The following WDHD1 variants were observed in gnomAD, a reference collection of about 807,000 sequenced individuals.
WDHD1 encodes WD repeat and HMG-box DNA-binding protein 1.
In WDHD1, 111 loss-of-function variants were observed where a neutral mutation model predicts 135.4. The ratio of observed to expected loss-of-function variants is 0.82; its 90% CI spans 0.70 to 0.96. The LOEUF is 0.96. WDHD1 is among the 40% of genes least tolerant of loss of function. The pLI, the probability that WDHD1 is intolerant of heterozygous loss-of-function variation, is 0.00. For synonymous variants in WDHD1, 434 were observed against 439.0 expected (o/e 0.99, Z 0.14); for missense variants, 1,351 against 1,336.3 (o/e 1.01, Z -0.17).
intron 15 of WDHD1, among the ~76,000 whole-genome samples, chr14:54,983,549 T>C (rs2041651630): frequency 6.6e-6 from 1 of 152,054 alleles, no homozygotes; most frequent in Admixed American, 6.5e-5. Context: ...GACGCAAGCC[T>C]GTAATCCCAG....
chr14:54,982,844 A>G (rs2041640230), intron 15 of WDHD1, among the ~76,000 whole-genome samples: 1 of 152,340 alleles, frequency 6.6e-6, no homozygotes, highest in East Asian at 1.9e-4. Flanking sequence ...AGTCCCCATG[A>G]GACAGAGATG....
intron 18 of WDHD1, among the ~76,000 whole-genome samples, chr14:54,964,375 T>C (rs1356968929): frequency 6.6e-6 from 1 of 152,152 alleles, no homozygotes; most frequent in Non-Finnish European, 1.5e-5. Context: ...GCGCAGTGGC[T>C]CACACCTGTA....
At chr14:54,972,174 C>A (rs2041445464) in intron 16 of WDHD1, among the ~76,000 whole-genome samples, 1 of 150,886 alleles carries the variant, frequency 6.6e-6, no homozygotes, top group South Asian at 2.1e-4. Context: ...ACTCAGGAGG[C>A]TGAGGCAGGA....
chr14:54,965,477 T>C (rs1654392518), intron 18 of WDHD1, among the ~76,000 whole-genome samples: 1 of 152,290 alleles, frequency 6.6e-6, no homozygotes, highest in East Asian at 1.9e-4. Context: ...TTCTTAAGAT[T>C]GCCCAGCCCT....
At chr14:55,022,557 C>T (rs757569739) in intron 2 of WDHD1, among the ~76,000 whole-genome samples, 3 of 152,002 alleles carry the variant, frequency 2.0e-5, no homozygotes, top group Admixed American at 1.3e-4. Context: ...TGGTGTATGC[C>T]TGTAATCCCA....
rs2042410846 is a variant in WDHD1 at position 55,025,026 on chromosome 14, A to G, written c.77+1685T>C. ...CTTGCAGTTGAGACAAGAGGAAGGC[A>G]TCTGTCTCCTGCCTGTCCCTGGGCA... is the stretch of plus-strand genomic sequence containing the variant. On this transcript the variant is annotated intron_variant, in intron 2 of 25. Transcript: ENST00000360586. 2.2e-5 allele frequency among the ~76,000 whole-genome samples: 2 copies of G among 90,398 alleles called. 1 individual carries two copies. The allele number at this position is 90,398 out of a possible 152,430, so 59.3% of individuals were successfully genotyped here.
At position 54,962,857 on chromosome 14, in the gene WDHD1, A is replaced by C; in HGVS notation, c.2532-4T>G. On this transcript the variant is annotated splice_region_variant and splice_polypyrimidine_tract_variant and intron_variant, in intron 19 of 25. Transcript: ENST00000360586. ...CTCTGTAGCAGTATTGCTGTAACTA[A>C]GAGAAAATAATATTATTCAATAAAG... 1.2e-6 allele frequency: 2 copies of C among 1,611,708 alleles called. No individual in the cohort carries two copies. Among genetic ancestry groups the C allele is most frequent in the Non-Finnish European group, 1.7e-6 (2 of 1,179,860 alleles).
At chr14:54,946,274 A>T (rs2040923377) in intron 24 of WDHD1, among the ~76,000 whole-genome samples, 1 of 152,144 alleles carries the variant, frequency 6.6e-6, no homozygotes, top group Non-Finnish European at 1.5e-5. Flanking sequence ...CTGGCCTCAA[A>T]CTTCTGGGCT....
chr14:54,966,438 T>A (rs2041346060), intron 18 of WDHD1, 37 bp downstream of exon 18: 1 of 1,574,850 alleles, frequency 6.3e-7, no homozygotes, highest in African/African-American at 1.4e-5. Flanking sequence ...AGAAAAGCAT[T>A]TAACTTTAAC....
intron 16 of WDHD1, among the ~76,000 whole-genome samples, chr14:54,977,474 G>A (rs1043541974): frequency 3.3e-5 from 5 of 152,140 alleles, no homozygotes; most frequent in Non-Finnish European, 5.9e-5. Context: ...GCCAAGGTGG[G>A]AGGATCACTC....
intron 2 of WDHD1, among the ~76,000 whole-genome samples, chr14:55,022,436 T>C (rs952285879): frequency 6.6e-6 from 1 of 152,110 alleles, no homozygotes; most frequent in Non-Finnish European, 1.5e-5. Context: ...TGTGGCATTT[T>C]TCCCCCCACA....
intron 2 of WDHD1, among the ~76,000 whole-genome samples, chr14:55,025,486 G>A (rs181936699): frequency 2.6e-3 from 394 of 152,204 alleles, no homozygotes; most frequent in African/African-American, 8.7e-3. Flanking sequence ...AAGTGTGGAG[G>A]GGCAACCCGC....
chr14:55,015,699 A>ATTT (rs35102727), intron 2 of WDHD1, among the ~76,000 whole-genome samples: 4 of 143,254 alleles, frequency 2.8e-5, no homozygotes, highest in Non-Finnish European at 4.6e-5. Flanking sequence ...TTCCAATGGA[A>ATTT]TTTTTTTTTT....
At chr14:54,988,490 T>C (rs1360431379) in intron 13 of WDHD1, among the ~76,000 whole-genome samples, 1 of 152,206 alleles carries the variant, frequency 6.6e-6, no homozygotes, top group Non-Finnish European at 1.5e-5. Context: ...AGGGGTTATC[T>C]GTGTATATAC....
At chr14:55,009,212 C>T (rs1425036163) in intron 4 of WDHD1, among the ~76,000 whole-genome samples, 1 of 152,184 alleles carries the variant, frequency 6.6e-6, no homozygotes, top group Non-Finnish European at 1.5e-5. Flanking sequence ...CAAGATTTCC[C>T]ATTATGCTAA....
At position 54,984,805 on chromosome 14, in the gene WDHD1, T is replaced by C; in HGVS notation, c.1824A>G (p.Lys608=). The C allele has an allele frequency of 6.2e-7, 1 of 1,614,044 alleles. No individual in the cohort carries two copies. Among genetic ancestry groups the C allele is most frequent in the East Asian group, 2.2e-5 (1 of 44,860 alleles). Residue 608 remains lysine (K), a synonymous_variant, in exon 15 of 26, where the codon AAA becomes AAG. Coordinates refer to ENST00000360586, the MANE Select transcript of WDHD1 (RefSeq NM_007086.4). ...CLGVQLLELG[K]KKKQILHGDP... is the part of the protein sequence containing the mutation. ...CACCATGCAAAATTTGTTTTTTCTT[T>C]TTCCCCAGCTCTAGCAGTTGAACTC...
chr14:54,996,731 T>TAA (rs34843510), intron 10 of WDHD1, among the ~76,000 whole-genome samples: 64,156 of 152,002 alleles, frequency 0.42, 15,210 homozygotes, highest in African/African-American at 0.65. Context: ...TAGTTTGGTA[T>TAA]AAGTCTAATG....
In WDHD1 at chr14:54,987,389, TA is replaced by T; in HGVS notation, c.1527-3del. 6.2e-7 allele frequency: 1 copy of T among 1,604,494 alleles called. No individual in the cohort carries two copies. Among genetic ancestry groups the T allele is most frequent in the Non-Finnish European group, 8.5e-7 (1 of 1,175,650 alleles). ...CTAAAGTGCAGGCAGTGAAGCTTGC[TA>T]AAAATTAAAACAAGACAGAAACAAT... On this transcript the variant is annotated splice_region_variant and splice_polypyrimidine_tract_variant and intron_variant, in intron 13 of 25. Transcript: ENST00000360586.
chr14:54,982,068 G>A lies in WDHD1; in HGVS notation c.1907-372C>T, dbSNP rs1023862217. On this transcript the variant is annotated intron_variant, in intron 15 of 25. Coordinates refer to ENST00000360586, the MANE Select transcript of WDHD1 (RefSeq NM_007086.4). ...TGTACCCAGGCTGGAGGGCAGTGGC[G>A]CGATCTCGGCCCACTGCAAGCTCCG... Among the ~76,000 whole-genome samples the A allele has an allele frequency of 3.3e-5, 5 of 151,606 alleles. No homozygotes were observed. The East Asian group carries it at 5.8e-4, about 18-fold the overall frequency.
Sources: allele counts gnomAD v4.1 joint callset (sites outside exome capture counted in the v4.1 genomes callset), GRCh38; gene constraint gnomAD v4.1.1; transcripts MANE v1.5; gene names NCBI Gene and HGNC (gene_info 2026-07-23, HGNC 2026-07-21).